The following MC2R variants were observed in gnomAD, a reference collection of about 807,000 sequenced individuals.
MC2R encodes the protein adrenocorticotropic hormone receptor.
In MC2R, 9 loss-of-function variants were observed where a neutral mutation model predicts 9.8. The ratio of observed to expected loss-of-function variants is 0.92; its 90% CI spans 0.55 to 1.60. MC2R has a LOEUF of 1.60. Ranked by LOEUF, MC2R falls within the 40% of genes most tolerant of loss-of-function variation. The pLI is 0.00. For missense variants in MC2R, 370 were observed against 389.0 expected, an observed-to-expected ratio of 0.95 and a Z score of 0.41; for synonymous variants, 185 against 154.7, an observed-to-expected ratio of 1.20 and a Z score of -1.45.
chr18:13,891,748 T>C lies in MC2R; in HGVS notation c.-128-6102A>G, dbSNP rs1295048361. Among the ~76,000 whole-genome samples the C allele has an allele frequency of 2.0e-5, 3 of 150,634 alleles. No individual in the cohort carries two copies. The Admixed American group carries it at 2.0e-4, about 10-fold the overall frequency. On this transcript the variant is annotated intron_variant, in intron 1 of 1. Coordinates refer to ENST00000327606, the MANE Select transcript of MC2R (RefSeq NM_000529.2). The stretch of plus-strand genomic sequence containing the variant: ...TGCCATTCCTGCAGGCTCACAGCAT[T>C]TTGGCCCTTCGGGTCTTGGCCTCTT...
chr18:13,885,150 C>A lies in MC2R; in HGVS notation c.369G>T (p.Val123=). Residue 123 remains valine, a synonymous_variant, in exon 2 of 2, where the codon GTG becomes GTT. Coordinates refer to ENST00000327606, the MANE Select transcript of MC2R (RefSeq NM_000529.2). ...TGGTGATGTAGCGGTCCGCAGCAAT[C>A]ACAGACAGGCTGAAGATGGAGCCAA... ...SLLGSIFSLS[V]IAADRYITIF... The A allele has an allele frequency of 6.2e-7, 1 of 1,614,160 alleles. No homozygotes were observed. The highest frequency in any genetic ancestry group is 1.3e-5 in the African/African-American group (1 of 75,046).
chr18:13,891,916 G>A (rs550813335), intron 1 of MC2R, among the ~76,000 whole-genome samples: 1 of 152,216 alleles, frequency 6.6e-6, no homozygotes, highest in Non-Finnish European at 1.5e-5. Flanking sequence ...TTCAAACAGA[G>A]AAGAAAAAGA....
chr18:13,901,876 A>T (rs1196563255), intron 1 of MC2R, among the ~76,000 whole-genome samples: 1 of 152,190 alleles, frequency 6.6e-6, no homozygotes, highest in African/African-American at 2.4e-5. Context: ...TTCCAAACTC[A>T]TTCTACAATA....
chr18:13,898,280 C>T (rs2045358292), intron 1 of MC2R, among the ~76,000 whole-genome samples: 1 of 152,150 alleles, frequency 6.6e-6, no homozygotes, highest in African/African-American at 2.4e-5. Flanking sequence ...CAGGGTAAGG[C>T]TCCTCTGCCT....
intron 1 of MC2R, among the ~76,000 whole-genome samples, chr18:13,911,565 C>T (rs948332): frequency 0.42 from 63,540 of 151,942 alleles, 13,557 homozygotes; most frequent in Middle Eastern, 0.57. Context: ...AGCTCCTATT[C>T]GCCCCACCTT....
chr18:13,884,473 C>A lies in MC2R; in HGVS notation c.*152G>T. The A allele has an allele frequency of 1.2e-6, 1 of 827,888 alleles. No homozygotes were observed. The highest frequency in any genetic ancestry group is 2.0e-6 in the Non-Finnish European group (1 of 496,830). 51.3% of individuals were successfully genotyped at this position (827,888 alleles called of 1,614,324 possible). A position where few individuals can be genotyped will look rare whatever the true frequency, so the allele number is the denominator to read the frequency against. On this transcript the variant is annotated 3_prime_UTR_variant, in exon 2 of 2. Transcript: ENST00000327606. Reference sequence around the variant, plus strand: ...TACAATAAGACTGTTCACATAGAACCTAGCTATTAGAAACACTAGCTGGTG... The same window carrying A: ...TACAATAAGACTGTTCACATAGAACATAGCTATTAGAAACACTAGCTGGTG...
At chr18:13,890,621 T>C (rs556999566) in intron 1 of MC2R, among the ~76,000 whole-genome samples, 2 of 152,288 alleles carry the variant, frequency 1.3e-5, no homozygotes, top group South Asian at 4.1e-4. Flanking sequence ...GCTGCCTTTT[T>C]TCTTTGTTTT....
rs34391766 is a variant in MC2R at position 13,890,481 on chromosome 18, G to A, written c.-128-4835C>T. Among the ~76,000 whole-genome samples the A allele has an allele frequency of 1.4e-3, 213 of 152,256 alleles. 7 individuals are homozygous for A. The East Asian group carries it at 0.036, about 26-fold the overall frequency. On this transcript the variant is annotated intron_variant, in intron 1 of 1. Transcript: ENST00000327606. ...CTTTAGAGAGAGCCAGTGTAGGACT[G>A]TGCTCCTGAGCTCTGGGTTCTGGTG...
chr18:13,893,955 A>T (rs905122312), intron 1 of MC2R, among the ~76,000 whole-genome samples: 2 of 152,212 alleles, frequency 1.3e-5, no homozygotes, highest in Non-Finnish European at 2.9e-5. Context: ...AAGCAATATT[A>T]CATTGGATCC....
intron 1 of MC2R, among the ~76,000 whole-genome samples, chr18:13,895,154 T>C (rs946949729): frequency 6.6e-6 from 1 of 152,210 alleles, no homozygotes; most frequent in African/African-American, 2.4e-5. Flanking sequence ...CCCAGGGTAA[T>C]CTGAATGATT....
In MC2R at chr18:13,884,841, C is replaced by G. The variant is rs1473543949; in HGVS notation, c.678G>C (p.Gly226=). 6.2e-7 allele frequency: 1 copy of G among 1,613,960 alleles called. No individual in the cohort carries two copies. Among genetic ancestry groups the G allele is most frequent in the African/African-American group, 1.3e-5 (1 of 74,982 alleles). ...AGGGGGCCCAGCAGAAGATGAAGAC[C>G]CCGAGCAGGATGGTCAGTGTGATGG... ...KGAITLTILL[G]VFIFCWAPFV... Residue 226 remains glycine, a synonymous_variant, in exon 2 of 2, where the codon GGG becomes GGC. Transcript: ENST00000327606.
At chr18:13,900,486 T>C (rs1214640184) in intron 1 of MC2R, among the ~76,000 whole-genome samples, 3 of 152,006 alleles carry the variant, frequency 2.0e-5, no homozygotes, top group Non-Finnish European at 2.9e-5. Flanking sequence ...ACATGACCCA[T>C]TGATCTGCTG....
chr18:13,902,218 T>C (rs1208713511), intron 1 of MC2R, among the ~76,000 whole-genome samples: 1 of 151,658 alleles, frequency 6.6e-6, no homozygotes, highest in Non-Finnish European at 1.5e-5. Context: ...AATAAAACCA[T>C]CAAAAAAACT....
At chr18:13,914,058 G>A (rs1598471048) in intron 1 of MC2R, among the ~76,000 whole-genome samples, 1 of 143,680 alleles carries the variant, frequency 7.0e-6, no homozygotes, top group Non-Finnish European at 1.5e-5. Flanking sequence ...GTAAAGAATA[G>A]GATTTTTTTT....
chr18:13,889,696 A>G (rs1363356431), intron 1 of MC2R, among the ~76,000 whole-genome samples: 3 of 152,112 alleles, frequency 2.0e-5, no homozygotes, highest in Admixed American at 1.3e-4. Flanking sequence ...ACCAAAAAAA[A>G]TATATATAGT....
intron 1 of MC2R, among the ~76,000 whole-genome samples, chr18:13,887,751 T>C (rs1340393232): frequency 6.6e-6 from 1 of 152,186 alleles, no homozygotes. Flanking sequence ...GGTCTCTTCC[T>C]GCCTTCGGAC....
At position 13,882,899 on chromosome 18, in the gene MC2R, G is replaced by A. The variant is rs2045241817; in HGVS notation, c.*1726C>T. Reference sequence around the variant, plus strand: ...TTAGAGTAACATAGTTCATTTGGCAGGGGAAGGATCAAACAGGGAAGGATT... The same window carrying A: ...TTAGAGTAACATAGTTCATTTGGCAAGGGAAGGATCAAACAGGGAAGGATT... On this transcript the variant is annotated 3_prime_UTR_variant, in exon 2 of 2. Coordinates refer to ENST00000327606, the MANE Select transcript of MC2R (RefSeq NM_000529.2). 6.6e-6 allele frequency: 1 copy of A among 152,164 alleles called. No individual in the cohort carries two copies. The highest frequency in any genetic ancestry group is 2.1e-4 in the South Asian group (1 of 4,822). 9.4% of individuals were successfully genotyped at this position (152,164 alleles called of 1,614,324 possible). A position where few individuals can be genotyped will look rare whatever the true frequency, so the allele number is the denominator to read the frequency against.
intron 1 of MC2R, among the ~76,000 whole-genome samples, chr18:13,910,317 T>C (rs2045437272): frequency 6.6e-6 from 1 of 152,224 alleles, no homozygotes. Flanking sequence ...TCTTGATTAC[T>C]GGCTTTAGAG....
intron 1 of MC2R, among the ~76,000 whole-genome samples, chr18:13,911,572 C>T (rs529895484): frequency 1.3e-5 from 2 of 152,276 alleles, no homozygotes; most frequent in East Asian, 1.9e-4. Flanking sequence ...ATTCGCCCCA[C>T]CTTTAAAAAG....
Sources: allele counts gnomAD v4.1 joint callset (sites outside exome capture counted in the v4.1 genomes callset), GRCh38; gene constraint gnomAD v4.1.1; transcripts MANE v1.5; gene names NCBI Gene and HGNC (gene_info 2026-07-23, HGNC 2026-07-21).